INTS9: variants seen among roughly 807,000 people sequenced by gnomAD.
INTS9 encodes the protein integrator complex subunit 9.
In INTS9, 55 loss-of-function variants were observed where a neutral mutation model predicts 79.7. That is an observed-to-expected ratio of 0.69 (90% CI 0.56 to 0.86). The LOEUF (loss-of-function observed/expected upper bound fraction) is 0.86. INTS9 is among the 40% of genes least tolerant of loss of function. The pLI is 0.00. For missense variants in INTS9, 721 were observed against 831.5 expected, an observed-to-expected ratio of 0.87 and a Z score of 1.64; for synonymous variants, 319 against 325.2, an observed-to-expected ratio of 0.98 and a Z score of 0.20.
chr8:28,793,734 A>T (rs2130954038), intron 10 of INTS9, 73 bp downstream of exon 10: 2 of 1,270,472 alleles, frequency 1.6e-6, no homozygotes, highest in Non-Finnish European at 2.1e-6. Context: ...AAACAGGATT[A>T]TTTTTATTCT....
chr8:28,790,617 C>T (rs1267659534), intron 10 of INTS9, among the ~76,000 whole-genome samples: 2 of 152,182 alleles, frequency 1.3e-5, no homozygotes, highest in Non-Finnish European at 2.9e-5. Flanking sequence ...TGTGAGCCAC[C>T]CTGATCGGCC....
chr8:28,875,550 A>G (rs1809335976), intron 1 of INTS9, among the ~76,000 whole-genome samples: 2 of 152,104 alleles, frequency 1.3e-5, no homozygotes, highest in African/African-American at 2.4e-5. Context: ...TTTGTTACAT[A>G]GGTAAATGTG....
intron 14 of INTS9, among the ~76,000 whole-genome samples, chr8:28,774,078 G>A (rs920988541): frequency 6.6e-6 from 1 of 152,168 alleles, no homozygotes; most frequent in African/African-American, 2.4e-5. Context: ...CTCCCACAGT[G>A]CTAGGATTAC....
At chr8:28,879,333 A>C (rs960130453) in intron 1 of INTS9, among the ~76,000 whole-genome samples, 1 of 151,920 alleles carries the variant, frequency 6.6e-6, no homozygotes, top group East Asian at 1.9e-4. Flanking sequence ...GATCACCTTG[A>C]TAGATGAAGG....
intron 9 of INTS9, 109 bp downstream of exon 9, chr8:28,796,435 T>A (rs1473089765): frequency 4.6e-6 from 3 of 645,858 alleles, no homozygotes; most frequent in Non-Finnish European, 8.3e-6. Context: ...CTTTGACAAC[T>A]GCTACCCTGT....
intron 5 of INTS9, 54 bp downstream of exon 5, chr8:28,837,583 T>C (rs1806882919): frequency 4.4e-6 from 7 of 1,579,380 alleles, no homozygotes; most frequent in Non-Finnish European, 6.0e-6. Flanking sequence ...GCGTCATCAC[T>C]GAGGGAGGAG....
intron 7 of INTS9, among the ~76,000 whole-genome samples, chr8:28,813,120 TGGG>T (rs1417525448): frequency 2.0e-5 from 3 of 152,210 alleles, no homozygotes; most frequent in Non-Finnish European, 4.4e-5. Context: ...TGAGTAGCTC[TGGG>T]CACAGGATGA....
chr8:28,888,739 G>C (rs1320825359), intron 1 of INTS9, among the ~76,000 whole-genome samples: 1 of 151,990 alleles, frequency 6.6e-6, no homozygotes, highest in East Asian at 1.9e-4. Flanking sequence ...GATTTATACG[G>C]GGACAATTTC....
intron 14 of INTS9, among the ~76,000 whole-genome samples, chr8:28,771,936 T>C (rs535169286): frequency 1.8e-4 from 28 of 152,204 alleles, no homozygotes; most frequent in Non-Finnish European, 3.7e-4. Flanking sequence ...TCATAGCTCA[T>C]TGCAACCTCA....
intron 5 of INTS9, 88 bp from the exon 6 acceptor site, chr8:28,835,466 T>TGCGGC: frequency 1.6e-6 from 1 of 638,736 alleles, no homozygotes; most frequent in South Asian, 2.1e-5. Context: ...AGAAATGACT[T>TGCGGC]GCCCACCTCC....
At chr8:28,878,799 G>GA (rs1289556649) in intron 1 of INTS9, among the ~76,000 whole-genome samples, 1 of 151,950 alleles carries the variant, frequency 6.6e-6, no homozygotes, top group Non-Finnish European at 1.5e-5. Flanking sequence ...GACCAACATG[G>GA]AAAAACCCTG....
chr8:28,795,639 C>CAAAA (rs56910832), intron 9 of INTS9, among the ~76,000 whole-genome samples: 3 of 70,830 alleles, frequency 4.2e-5, no homozygotes, highest in African/African-American at 1.1e-4. Flanking sequence ...GACTCCGTCT[C>CAAAA]AAAAAAAAAA....
intron 10 of INTS9, among the ~76,000 whole-genome samples, chr8:28,791,926 T>C (rs1781524138): frequency 6.6e-6 from 1 of 152,194 alleles, no homozygotes; most frequent in Non-Finnish European, 1.5e-5. Context: ...ATAGGTTTTG[T>C]GGACTCAAAA....
intron 1 of INTS9, among the ~76,000 whole-genome samples, chr8:28,882,190 C>T (rs1230952482): frequency 7.1e-6 from 1 of 140,048 alleles, no homozygotes; most frequent in Non-Finnish European, 1.6e-5. Context: ...TGTGCTGTGT[C>T]CACTCAGGGT....
At chr8:28,777,044 C>A (rs1040285484) in intron 13 of INTS9, among the ~76,000 whole-genome samples, 1 of 152,090 alleles carries the variant, frequency 6.6e-6, no homozygotes, top group Non-Finnish European at 1.5e-5. Context: ...CACCAGAATC[C>A]GCTCTTGGGG....
chr8:28,845,887 A>G lies in INTS9; in HGVS notation c.261+860T>C, dbSNP rs188071442. 4.6e-3 allele frequency among the ~76,000 whole-genome samples: 698 copies of G among 152,298 alleles called. 4 individuals carry two copies. The highest frequency in any genetic ancestry group is 0.016 in the African/African-American group (648 of 41,548). On this transcript the variant is annotated intron_variant, in intron 4 of 16. Transcript: ENST00000521022. ...CTCAAAGACACATACACATACTTCT[A>G]AGAGAGATAAAAATGTTGATCTACA...
chr8:28,859,167 G>A (rs1003224279), intron 2 of INTS9, among the ~76,000 whole-genome samples: 10 of 152,174 alleles, frequency 6.6e-5, no homozygotes, highest in African/African-American at 2.4e-4. Context: ...TAGCAAGAAA[G>A]ATGAAATATA....
At chr8:28,871,875 C>A (rs1171221044) in intron 1 of INTS9, among the ~76,000 whole-genome samples, 1 of 151,856 alleles carries the variant, frequency 6.6e-6, no homozygotes, top group African/African-American at 2.4e-5. Flanking sequence ...AATTGATATC[C>A]TTAATATATA....
intron 4 of INTS9, among the ~76,000 whole-genome samples, chr8:28,841,203 C>A (rs2131208948): frequency 6.6e-6 from 1 of 152,336 alleles, no homozygotes; most frequent in East Asian, 1.9e-4. Flanking sequence ...TCCCAACCTT[C>A]ACCCCAAGTT....
Sources: gnomAD v4.1 joint callset for allele counts (sites outside exome capture counted in the v4.1 genomes callset) on GRCh38, gnomAD v4.1.1 for gene constraint, MANE v1.5 for transcripts, NCBI Gene and HGNC (gene_info 2026-07-23, HGNC 2026-07-21) for gene names.